Variants in IL1RAPL1 observed in about 807,000 individuals in gnomAD.
IL1RAPL1 encodes the protein interleukin-1 receptor accessory protein-like 1.
A neutral mutation model predicts 48.4 loss-of-function variants in IL1RAPL1; 3 were observed. That is an observed-to-expected ratio of 0.06 (90% CI 0.03 to 0.16). The LOEUF (loss-of-function observed/expected upper bound fraction) is 0.16. Among genes scored for constraint, IL1RAPL1 ranks in the 10% least tolerant of loss-of-function variants. The pLI is 1.00. For synonymous variants in IL1RAPL1, 185 were observed against 187.7 expected, an observed-to-expected ratio of 0.99 and a Z score of 0.12; for missense variants, 349 against 530.6, an observed-to-expected ratio of 0.66 and a Z score of 3.36.
intron 5 of IL1RAPL1, among the ~76,000 whole-genome samples, chrX:29,592,380 G>C (rs1923404584): frequency 1.8e-5 from 2 of 110,883 alleles, no homozygotes; most frequent in Non-Finnish European, 3.8e-5. Context: ...CCATATAGTA[G>C]CTTATATGTA....
chrX:29,616,751 G>A (rs73631668), intron 5 of IL1RAPL1, among the ~76,000 whole-genome samples: 6 of 110,994 alleles, frequency 5.4e-5, no homozygotes, highest in Non-Finnish European at 1.9e-5. Context: ...CACAGGAGAC[G>A]ATGCTGACTG....
chrX:29,291,384 A>AG (rs1439656627), intron 3 of IL1RAPL1, among the ~76,000 whole-genome samples: 1 of 111,083 alleles, frequency 9.0e-6, no homozygotes, highest in Non-Finnish European at 1.9e-5. Flanking sequence ...TCTTTTCCCA[A>AG]GGAGAGTAAA....
intron 5 of IL1RAPL1, among the ~76,000 whole-genome samples, chrX:29,530,169 A>G (rs1050508843): frequency 8.9e-6 from 1 of 111,826 alleles, no homozygotes; most frequent in African/African-American, 3.3e-5. Flanking sequence ...TTTTGTTTAA[A>G]GTCTAAAATA....
intron 6 of IL1RAPL1, among the ~76,000 whole-genome samples, chrX:29,801,196 T>A (rs1929896634): frequency 9.1e-6 from 1 of 110,017 alleles, no homozygotes; most frequent in African/African-American, 3.3e-5. Context: ...ATACTGGATC[T>A]CCTTTCCTGT....
chrX:29,885,759 C>G (rs1204105774), intron 6 of IL1RAPL1, among the ~76,000 whole-genome samples: 1 of 111,687 alleles, frequency 9.0e-6, no homozygotes, highest in East Asian at 2.8e-4. Flanking sequence ...TTCGAGGATG[C>G]AGGGAACTAT....
In IL1RAPL1 at chrX:29,854,237, G is replaced by A. The variant is rs192562366; in HGVS notation, c.779-63227G>A. 1.0e-3 allele frequency among the ~76,000 whole-genome samples: 115 copies of A among 111,662 alleles called. No individual in the cohort carries two copies. In the East Asian group the frequency reaches 0.025, roughly 24 times the overall value. ...AGCAGCTTACAAAAGAGAGAAAAAT[G>A]TAACGTTATCAAAGACTTTCTTGTG... On this transcript the variant is annotated intron_variant, in intron 6 of 10. Transcript: ENST00000378993.
intron 1 of IL1RAPL1, among the ~76,000 whole-genome samples, chrX:28,601,475 C>G (rs771997718): frequency 9.9e-5 from 11 of 110,773 alleles, no homozygotes; most frequent in Middle Eastern, 4.6e-3. Context: ...TCTCAACTAC[C>G]AAAAAATTAT....
In IL1RAPL1 at chrX:29,399,187, T is replaced by G. The variant is rs754600376; in HGVS notation, c.582T>G (p.Ile194Met). The G allele has an allele frequency of 5.0e-6, 6 of 1,202,418 alleles. No homozygotes were observed. The highest frequency in any genetic ancestry group is 6.8e-6 in the Non-Finnish European group (6 of 888,272). ...ECRTKTWRPS[I>M]VFKRDTLLIR... ...GGACAAAAACATGGAGGCCAAGTAT[T>G]GTATTCAAAAGAGATACTCTGCTTA... The change falls in exon 5 of 11, where the codon ATT (isoleucine) becomes ATG (methionine). Residue 194 changes from isoleucine to methionine, a missense_variant. This residue lies in a region of IL1RAPL1 where 238 missense variants were observed against 337.8 expected (regional missense o/e 0.70). Transcript: ENST00000378993.
At chrX:29,360,569 CT>C (rs755749130) in intron 3 of IL1RAPL1, among the ~76,000 whole-genome samples, 2 of 111,359 alleles carry the variant, frequency 1.8e-5, no homozygotes, top group East Asian at 2.8e-4. Context: ...TTTTAGCTTC[CT>C]TTTTTTTACA....
intron 2 of IL1RAPL1, among the ~76,000 whole-genome samples, chrX:28,857,721 C>T (rs970373697): frequency 1.8e-5 from 2 of 111,230 alleles, no homozygotes; most frequent in African/African-American, 6.5e-5. Context: ...GACAATGTAC[C>T]TGGTCACTCA....
chrX:29,272,375 T>C (rs1177056072), intron 2 of IL1RAPL1, among the ~76,000 whole-genome samples: 2 of 111,900 alleles, frequency 1.8e-5, no homozygotes, highest in Non-Finnish European at 3.8e-5. Flanking sequence ...ATTGTTCTGT[T>C]CAAAAATATG....
At chrX:29,328,962 A>G (rs1383682599) in intron 3 of IL1RAPL1, among the ~76,000 whole-genome samples, 1 of 111,620 alleles carries the variant, frequency 9.0e-6, no homozygotes, top group East Asian at 2.8e-4. Flanking sequence ...GATAGCTTCA[A>G]ATTATGATAT....
intron 9 of IL1RAPL1, among the ~76,000 whole-genome samples, chrX:29,953,845 G>C (rs1358385488): frequency 1.8e-5 from 2 of 111,039 alleles, no homozygotes; most frequent in Non-Finnish European, 3.8e-5. Context: ...TGGGTAAAAT[G>C]GCCAAGGGTA....
chrX:29,796,451 T>C (rs1294764052), intron 6 of IL1RAPL1, among the ~76,000 whole-genome samples: 1 of 111,824 alleles, frequency 8.9e-6, no homozygotes. Flanking sequence ...TCTCAATTAA[T>C]GTTTGCAACA....
intron 3 of IL1RAPL1, among the ~76,000 whole-genome samples, chrX:29,316,645 G>A (rs1046392621): frequency 8.9e-6 from 1 of 111,746 alleles, no homozygotes; most frequent in African/African-American, 3.3e-5. Flanking sequence ...CTTGAAGCAG[G>A]GGCTTACAGG....
intron 3 of IL1RAPL1, among the ~76,000 whole-genome samples, chrX:29,286,408 G>A (rs1932283454): frequency 8.9e-6 from 1 of 111,958 alleles, no homozygotes; most frequent in Non-Finnish European, 1.9e-5. Context: ...GTGGCCAGGT[G>A]TGGTGGCTCA....
At chrX:29,878,354 T>G (rs1046748639) in intron 6 of IL1RAPL1, among the ~76,000 whole-genome samples, 4 of 112,292 alleles carry the variant, frequency 3.6e-5, no homozygotes, top group African/African-American at 1.3e-4. Context: ...TTTGCTTTCT[T>G]TATTGGGAAC....
intron 3 of IL1RAPL1, among the ~76,000 whole-genome samples, chrX:29,304,718 TGAAAA>T (rs1439006693): frequency 2.7e-5 from 3 of 112,714 alleles, no homozygotes; most frequent in South Asian, 3.7e-4. Context: ...TTTCTACACT[TGAAAA>T]GATAAGAGAA....
intron 2 of IL1RAPL1, among the ~76,000 whole-genome samples, chrX:29,137,094 T>C (rs926499618): frequency 2.7e-5 from 3 of 110,594 alleles, no homozygotes; most frequent in Admixed American, 9.7e-5. Flanking sequence ...TAAAATCCAT[T>C]AGCCTATTTT....
Sources: gnomAD v4.1 joint callset for allele counts (sites outside exome capture counted in the v4.1 genomes callset) on GRCh38, gnomAD v4.1.1 for gene constraint, gnomAD v4.1.1 regional missense constraint, MANE v1.5 for transcripts, NCBI Gene and HGNC (gene_info 2026-07-23, HGNC 2026-07-21) for gene names.